PDPR: variants seen among roughly 807,000 people sequenced by gnomAD.
PDPR encodes pyruvate dehydrogenase phosphatase regulatory subunit, also known as pyruvate dehydrogenase phosphatase regulatory subunit, mitochondrial.
In PDPR, 50 loss-of-function variants were observed where a neutral mutation model predicts 102.2. That is an observed-to-expected ratio of 0.49 (90% CI 0.39 to 0.62). The LOEUF is 0.62. Among genes scored for constraint, PDPR ranks in the 20% least tolerant of loss-of-function variants. The probability of loss-of-function intolerance (pLI) is 0.00; values close to 1 mark genes in which losing one functional copy is unlikely to be tolerated. For missense variants in PDPR, 625 were observed against 1,098.2 expected, an observed-to-expected ratio of 0.57 and a Z score of 6.09; for synonymous variants, 259 against 406.0, an observed-to-expected ratio of 0.64 and a Z score of 4.35.
intron 3 of PDPR, among the ~76,000 whole-genome samples, chr16:70,120,931 C>CTTTTTTTT (rs71385643): frequency 1.9e-5 from 2 of 103,052 alleles, no homozygotes; most frequent in South Asian, 3.4e-4. Context: ...TTTCGTTTTC[C>CTTTTTTTT]TTTTTTTTTT....
chr16:70,138,924 G>C lies in PDPR; in HGVS notation c.1216G>C (p.Gly406Arg). 6.2e-7 allele frequency: 1 copy of C among 1,613,132 alleles called. No individual in the cohort carries two copies. Residue 406 changes from glycine to arginine, a missense_variant, in exon 11 of 19, where the codon GGT becomes CGT. Gly to Arg is a moderately radical substitution (Grantham distance 125). This residue lies in a region of PDPR where 10 missense variants were observed against 80.4 expected (regional missense o/e 0.12). Transcript: ENST00000288050. ...GTACCTTGCCGAATGGATGGTACAT[G>C]GTTATCCCTCAGAAAACGTTTGGGA... ...GKYLAEWMVH[G>R]YPSENVWELD...
chr16:70,155,802 C>CTTT (rs60054362), intron 18 of PDPR, among the ~76,000 whole-genome samples: 2,453 of 139,424 alleles, frequency 0.018, 29 homozygotes, highest in African/African-American at 0.054. Flanking sequence ...ATAAAAAAGT[C>CTTT]TTTTTTTTTT....
In PDPR at chr16:70,119,567, C is replaced by T. The variant is rs1367040779; in HGVS notation, c.-32-894C>T. ...TGTACATGCCGGCCTCCTTTTTGTT[C>T]TTGGTCTGTCTTACCTCAGGGCTTT... is the stretch of plus-strand genomic sequence containing the variant. On this transcript the variant is annotated intron_variant, in intron 2 of 18. Coordinates refer to ENST00000288050, the MANE Select transcript of PDPR (RefSeq NM_017990.5). Among the ~76,000 whole-genome samples, 21 of 148,604 alleles carry T rather than the reference C, an allele frequency of 1.4e-4. No individual in the cohort carries two copies. The South Asian group carries it at 4.5e-3, about 32-fold the overall frequency.
At chr16:70,135,925 TG>T (rs1465403127) in intron 9 of PDPR, among the ~76,000 whole-genome samples, 5 of 152,192 alleles carry the variant, frequency 3.3e-5, no homozygotes, top group Non-Finnish European at 7.3e-5. Context: ...AAAAATTAGC[TG>T]GGCATGGTGG....
In PDPR at chr16:70,161,526, A is replaced by C. The variant is rs574853850; in HGVS notation, c.*4647A>C. The C allele has an allele frequency of 6.5e-6, 1 of 152,710 alleles. No individual in the cohort carries two copies. Among genetic ancestry groups the C allele is most frequent in the African/African-American group, 2.4e-5 (1 of 41,482 alleles). 9.5% of individuals were successfully genotyped at this position (152,710 alleles called of 1,614,324 possible). ...ATGGTAGACTTGTGAGGCTTGCCCC[A>C]GGCCTTGTGTACACGCAATAAGTGG... On this transcript the variant is annotated 3_prime_UTR_variant, in exon 19 of 19. Coordinates refer to ENST00000288050, the MANE Select transcript of PDPR (RefSeq NM_017990.5).
chr16:70,156,748 CG>C lies in PDPR; in HGVS notation c.2513del (p.Gly838GlufsTer36). The C allele has an allele frequency of 6.2e-7, 1 of 1,614,108 alleles. No homozygotes were observed. Reference sequence around the variant, plus strand: ...AGTGGTGACAGCAGATTTCATCAACCGGGGAGAGTATGAGATTGACATCGCG... The same window carrying C: ...AGTGGTGACAGCAGATTTCATCAACCGGGAGAGTATGAGATTGACATCGCG... ...EQVVTADFINRGEYEIDIAGY... is the reference protein window; with the variant it reads ...EQVVTADFINXGEYEIDIAGY... On this transcript the variant is annotated frameshift_variant, in exon 19 of 19. Coordinates refer to ENST00000288050, the MANE Select transcript of PDPR (RefSeq NM_017990.5). LOFTEE classifies it high-confidence loss of function.
chr16:70,162,195 CTT>C lies in PDPR; in HGVS notation c.*5318_*5319del, dbSNP rs1213114522. The C allele has an allele frequency of 6.6e-6, 1 of 152,522 alleles. No individual in the cohort carries two copies. The highest frequency in any genetic ancestry group is 1.5e-5 in the Non-Finnish European group (1 of 68,198). 9.4% of individuals were successfully genotyped at this position (152,522 alleles called of 1,614,324 possible). On this transcript the variant is annotated 3_prime_UTR_variant, in exon 19 of 19. Transcript: ENST00000288050. Reference sequence around the variant, plus strand: ...GGGTGTTCTAGCAGCTCAGTTAACACTTTACTCTCCAGTCAACACTTGGGACA... The same window carrying C: ...GGGTGTTCTAGCAGCTCAGTTAACACTACTCTCCAGTCAACACTTGGGACA...
intron 15 of PDPR, among the ~76,000 whole-genome samples, chr16:70,144,842 C>T (rs1489364937): frequency 6.6e-6 from 1 of 152,194 alleles, no homozygotes. Context: ...GTAATCCCAG[C>T]TACTTGGGAG....
Position 70,157,329 on chromosome 16 carries a change from A to T in PDPR, c.*450A>T. ...TTCTGGTGGGGTTGCCGTGTGTCGG[A>T]TGCAGCCCTGAGGGGCAGCTCGTGC... On this transcript the variant is annotated 3_prime_UTR_variant, in exon 19 of 19. Coordinates refer to ENST00000288050, the MANE Select transcript of PDPR (RefSeq NM_017990.5). The T allele has an allele frequency of 2.5e-6, 1 of 399,048 alleles. No homozygotes were observed. The highest frequency in any genetic ancestry group is 1.9e-5 in the South Asian group (1 of 53,126). The allele number at this position is 399,048 out of a possible 1,614,324, so 24.7% of individuals were successfully genotyped here. A position where few individuals can be genotyped will look rare whatever the true frequency, so the allele number is the denominator to read the frequency against.
chr16:70,115,663 G>A (rs866680393), intron 2 of PDPR, among the ~76,000 whole-genome samples: 68 of 152,290 alleles, frequency 4.5e-4, no homozygotes, highest in African/African-American at 6.3e-4. Flanking sequence ...CCATACAGAG[G>A]GACAACTCGA....
At chr16:70,153,320 G>T in intron 17 of PDPR, 71 bp from the exon 18 acceptor site, 1 of 1,466,226 alleles carries the variant, frequency 6.8e-7, no homozygotes, top group Admixed American at 2.1e-5. Context: ...TGAGCCATCA[G>T]CGCTTCCAGA....
At chr16:70,126,861 T>C (rs909723127) in intron 3 of PDPR, among the ~76,000 whole-genome samples, 2 of 152,234 alleles carry the variant, frequency 1.3e-5, no homozygotes, top group African/African-American at 4.8e-5. Flanking sequence ...TCCCATGTCA[T>C]TGAACATTTT....
At chr16:70,162,876 A>G (rs1460815306), downstream of PDPR, among the ~76,000 whole-genome samples, 1 of 152,258 alleles carries the variant, frequency 6.6e-6, no homozygotes, top group East Asian at 1.9e-4. Context: ...TGTGGAAACA[A>G]CCCTGAGAGA....
chr16:70,138,038 CTTTTTTTTTTTT>C (rs200071207), intron 10 of PDPR, among the ~76,000 whole-genome samples: 5 of 118,362 alleles, frequency 4.2e-5, no homozygotes, highest in African/African-American at 1.7e-4. Context: ...ATACCCAGCT[CTTTTTTTTTTTT>C]TTTTTTTTGA....
chr16:70,151,355 C>T (rs1966727330), intron 17 of PDPR, among the ~76,000 whole-genome samples: 2 of 152,282 alleles, frequency 1.3e-5, no homozygotes, highest in Non-Finnish European at 2.9e-5. Context: ...CGGCGTGAGC[C>T]ACTGTGTCTG....
Position 70,161,926 on chromosome 16 carries a change from G to A in PDPR, c.*5047G>A, listed in dbSNP as rs1173327354. 6.6e-6 allele frequency: 1 copy of A among 152,356 alleles called. No homozygotes were observed. Among genetic ancestry groups the A allele is most frequent in the African/African-American group, 2.4e-5 (1 of 41,468 alleles). 9.4% of individuals were successfully genotyped at this position (152,356 alleles called of 1,614,324 possible). ...AGACAGAAATTACAGGAGATAGGGA[G>A]GGTTTTTTAGCATCTCTTTCAAAAG... On this transcript the variant is annotated 3_prime_UTR_variant, in exon 19 of 19. Coordinates refer to ENST00000288050, the MANE Select transcript of PDPR (RefSeq NM_017990.5).
chr16:70,154,349 A>G (rs1339638114), intron 18 of PDPR, among the ~76,000 whole-genome samples: 1 of 152,222 alleles, frequency 6.6e-6, no homozygotes, highest in Non-Finnish European at 1.5e-5. Context: ...AACATAGTAA[A>G]TAGATGACAC....
rs60975914 is a variant in PDPR at position 70,160,842 on chromosome 16, G to A, written c.*3963G>A. ...TTCCGAGAGCGTTCAGTGTTTCACT[G>A]AAGACAGGACCCATAGCCTTCATTT... On this transcript the variant is annotated 3_prime_UTR_variant, in exon 19 of 19. Coordinates refer to ENST00000288050, the MANE Select transcript of PDPR (RefSeq NM_017990.5). 6.6e-6 allele frequency: 1 copy of A among 152,400 alleles called. No individual in the cohort carries two copies. The highest frequency in any genetic ancestry group is 6.5e-5 in the Admixed American group (1 of 15,278). 9.4% of individuals were successfully genotyped at this position (152,400 alleles called of 1,614,324 possible).
chr16:70,114,264 T>A (rs1962399833), upstream of PDPR: 1 of 152,152 alleles, frequency 6.6e-6, no homozygotes, highest in Non-Finnish European at 1.5e-5. Context: ...CCGGGGGCCG[T>A]AAAGCGCGGA....
Sources: allele counts gnomAD v4.1 joint callset (sites outside exome capture counted in the v4.1 genomes callset), GRCh38; gene constraint gnomAD v4.1.1; regional missense constraint gnomAD v4.1.1; transcripts MANE v1.5; gene names NCBI Gene and HGNC (gene_info 2026-07-23, HGNC 2026-07-21).